TENT5D: variants seen among roughly 807,000 people sequenced by gnomAD.
TENT5D encodes the protein cancer/testis antigen 112.
For missense variants in TENT5D, 191 were observed against 287.0 expected (o/e 0.67, Z 2.42); for synonymous variants, 103 against 100.6 (o/e 1.02, Z -0.15).
At chrX:80,423,174 C>T (rs1931921951) in intron 1 of TENT5D, among the ~76,000 whole-genome samples, 1 of 112,135 alleles carries the variant, frequency 8.9e-6, no homozygotes, top group African/African-American at 3.2e-5. Flanking sequence ...CTGTTGAATT[C>T]ACATAGCTAT....
intron 3 of TENT5D, among the ~76,000 whole-genome samples, chrX:80,366,876 A>G (rs775521034): frequency 8.9e-6 from 1 of 111,825 alleles, no homozygotes; most frequent in Admixed American, 9.6e-5. Context: ...TTATTGAGGA[A>G]TCTATAATGT....
At chrX:80,437,175 A>T (rs1239053076) in intron 1 of TENT5D, among the ~76,000 whole-genome samples, 7 of 112,303 alleles carry the variant, frequency 6.2e-5, no homozygotes, top group African/African-American at 2.3e-4. Flanking sequence ...TAGTTAACTG[A>T]TATCACAACT....
At chrX:80,427,208 G>A (rs1932003583) in intron 1 of TENT5D, among the ~76,000 whole-genome samples, 1 of 111,564 alleles carries the variant, frequency 9.0e-6, no homozygotes, top group Non-Finnish European at 1.9e-5. Context: ...TAACTTCAAT[G>A]TAAAACTTGG....
At chrX:80,440,327 G>T (rs768945667) in intron 2 of TENT5D, among the ~76,000 whole-genome samples, 2 of 110,960 alleles carry the variant, frequency 1.8e-5, no homozygotes, top group South Asian at 3.7e-4. Context: ...AGATCTTACT[G>T]CCATTCTGTT....
intron 3 of TENT5D, among the ~76,000 whole-genome samples, chrX:80,370,193 T>G (rs1930596422): frequency 9.0e-6 from 1 of 110,549 alleles, no homozygotes; most frequent in East Asian, 2.8e-4. Flanking sequence ...CTTCCTGTCT[T>G]GACCTCCAAA....
intron 3 of TENT5D, among the ~76,000 whole-genome samples, chrX:80,350,983 T>G (rs1479394253): frequency 8.9e-6 from 1 of 111,989 alleles, no homozygotes; most frequent in African/African-American, 3.2e-5. Flanking sequence ...CATTCTCTTC[T>G]AGTTTGTAGC....
chrX:80,373,329 A>G (rs748505524), intron 3 of TENT5D, among the ~76,000 whole-genome samples: 1 of 111,340 alleles, frequency 9.0e-6, no homozygotes, highest in African/African-American at 3.3e-5. Context: ...CTTGGCATTC[A>G]GGATCATGTC....
intron 3 of TENT5D, among the ~76,000 whole-genome samples, chrX:80,411,656 T>A (rs1378170052): frequency 8.9e-6 from 1 of 112,238 alleles, no homozygotes; most frequent in Admixed American, 9.4e-5. Context: ...AACACATTTC[T>A]TTTTTTCAGA....
intron 3 of TENT5D, among the ~76,000 whole-genome samples, chrX:80,413,656 C>T (rs1414345055): frequency 8.9e-6 from 1 of 112,052 alleles, no homozygotes; most frequent in Non-Finnish European, 1.9e-5. Context: ...GCCTCCACCA[C>T]ATCAGAAGTG....
rs963542087 is a variant in TENT5D at position 80,414,996 on chromosome X, C to T, written c.-141-23614C>T. Among the ~76,000 whole-genome samples the T allele has an allele frequency of 5.4e-5, 6 of 111,580 alleles. No individual in the cohort carries two copies. The Admixed American group carries it at 5.7e-4, about 11-fold the overall frequency. ...CAGTGTTTTGTAATTCTCATTGTAG[C>T]AATCTTTTACCTCCCTGCTTAGATG... On this transcript the variant is annotated intron_variant, in intron 3 of 4. Coordinates refer to the TENT5D transcript ENST00000538312.
At chrX:80,392,893 C>A (rs1213338486) in intron 3 of TENT5D, among the ~76,000 whole-genome samples, 2 of 111,131 alleles carry the variant, frequency 1.8e-5, no homozygotes, top group African/African-American at 6.5e-5. Flanking sequence ...TCAGTGATGC[C>A]CATCATTTAC....
chrX:80,349,750 C>T (rs983721688), intron 3 of TENT5D, among the ~76,000 whole-genome samples: 1 of 110,512 alleles, frequency 9.0e-6, no homozygotes, highest in African/African-American at 3.3e-5. Flanking sequence ...GTTAGGGTGT[C>T]GATATTAGAT....
intron 2 of TENT5D, among the ~76,000 whole-genome samples, chrX:80,339,181 C>G (rs1328164239): frequency 9.0e-6 from 1 of 111,264 alleles, no homozygotes; most frequent in African/African-American, 3.3e-5. Flanking sequence ...CAGTGCAGTA[C>G]TTTTGAATGT....
At chrX:80,430,671 C>T (rs1475406216) in intron 1 of TENT5D, among the ~76,000 whole-genome samples, 2 of 111,622 alleles carry the variant, frequency 1.8e-5, no homozygotes. Context: ...GGCCTTCTGT[C>T]CCTCCTGAAG....
At chrX:80,352,645 A>C (rs1930202439) in intron 3 of TENT5D, among the ~76,000 whole-genome samples, 1 of 102,316 alleles carries the variant, frequency 9.8e-6, no homozygotes. Flanking sequence ...CCCTGGCTTC[A>C]GCCCCCTTTC....
chrX:80,372,813 G>A (rs1452771129), intron 3 of TENT5D, among the ~76,000 whole-genome samples: 1 of 107,962 alleles, frequency 9.3e-6, no homozygotes, highest in East Asian at 2.9e-4. Context: ...CTTGAACCTG[G>A]GAGGTGGAGG....
upstream of TENT5D, among the ~76,000 whole-genome samples, chrX:80,417,347 A>G (rs1243747988): frequency 1.8e-5 from 2 of 110,097 alleles, no homozygotes; most frequent in Non-Finnish European, 3.8e-5. Flanking sequence ...TCATCATGTT[A>G]TAAGCTATTC....
intron 3 of TENT5D, among the ~76,000 whole-genome samples, chrX:80,369,794 G>A (rs1177794501): frequency 1.8e-5 from 2 of 112,213 alleles, no homozygotes; most frequent in Non-Finnish European, 3.8e-5. Flanking sequence ...AGTTTGGCAG[G>A]GCTGCCTGTA....
chrX:80,409,884 G>T (rs1345897097), intron 3 of TENT5D, among the ~76,000 whole-genome samples: 1 of 106,295 alleles, frequency 9.4e-6, no homozygotes, highest in Non-Finnish European at 1.9e-5. Flanking sequence ...GCATGGTACT[G>T]GTACCAAAAC....
Sources: allele counts gnomAD v4.1 joint callset (sites outside exome capture counted in the v4.1 genomes callset), GRCh38; gene constraint gnomAD v4.1.1; transcripts MANE v1.5; gene names NCBI Gene and HGNC (gene_info 2026-07-23, HGNC 2026-07-21).